The following PLCXD1 variants were observed in gnomAD, a reference collection of about 807,000 sequenced individuals.
PLCXD1 encodes PI-PLC X domain-containing protein 1.
PLCXD1 carries 45 observed loss-of-function variants against 37.8 expected under a neutral mutation model. The ratio of observed to expected loss-of-function variants is 1.19; its 90% confidence interval spans 0.94 to 1.53. The LOEUF (loss-of-function observed/expected upper bound fraction) is 1.53. Among genes scored for constraint, PLCXD1 ranks in the 40% most tolerant of loss-of-function variants. The pLI, the probability that PLCXD1 is intolerant of heterozygous loss-of-function variation, is 0.00. For synonymous variants in PLCXD1, 246 were observed against 206.9 expected (o/e 1.19, Z -1.62); for missense variants, 539 against 454.7 (o/e 1.19, Z -1.69).
At position 290,657 on chromosome X, in the gene PLCXD1, G is replaced by A. The variant is rs148736420; in HGVS notation, c.274G>A (p.Val92Ile). ...LKWSVTQALD[V>I]TEQLDAGVRY... ...CAGCCTCTGTCCACAGGCACTGGAC[G>A]TCACAGAGCAGCTGGATGCCGGGGT... Residue 92 changes from valine (V) to isoleucine (I), a missense_variant, in exon 4 of 7, where the codon GTC becomes ATC. By Grantham distance (29) the Val-to-Ile change is conservative. Coordinates refer to ENST00000381657, the MANE Select transcript of PLCXD1 (RefSeq NM_018390.4). 52 of 1,613,728 alleles carry A rather than the reference G, an allele frequency of 3.2e-5. No individual in the cohort carries two copies. The highest frequency in any genetic ancestry group is 8.0e-5 in the African/African-American group (6 of 75,022).
rs951622923 is a variant in PLCXD1 at position 300,883 on chromosome X, A to G, written c.*1548A>G. 1 of 151,954 alleles carries G rather than the reference A, an allele frequency of 6.6e-6. No individual in the cohort carries two copies. The highest frequency in any genetic ancestry group is 1.5e-5 in the Non-Finnish European group (1 of 68,016). 9.4% of individuals were successfully genotyped at this position (151,954 alleles called of 1,614,324 possible). ...CACACCCGACTAATTTCATATATTT[A>G]GTAGAGACGGGGTTTCTCCGCGTTG... is the stretch of plus-strand genomic sequence containing the variant. On this transcript the variant is annotated 3_prime_UTR_variant, in exon 7 of 7. Coordinates refer to ENST00000381657, the MANE Select transcript of PLCXD1 (RefSeq NM_018390.4).
At chrX:288,932 G>A in intron 3 of PLCXD1, 63 bp downstream of exon 3, 2 of 1,533,808 alleles carry the variant, frequency 1.3e-6, no homozygotes, top group African/African-American at 1.4e-5. Flanking sequence ...ACGGCCCCGT[G>A]GTGCTGAAAT....
chrX:285,283 C>CACACATGGATGCACAT (rs1409421817), intron 2 of PLCXD1, among the ~76,000 whole-genome samples: 2 of 152,088 alleles, frequency 1.3e-5, no homozygotes, highest in Non-Finnish European at 2.9e-5. Flanking sequence ...TAGGCTCATA[C>CACACATGGATGCACAT]ACACATGGAT....
intron 1 of PLCXD1, 170 bp from the exon 2 acceptor site, chrX:283,997 T>C (rs2069363904): frequency 3.4e-6 from 2 of 585,414 alleles, no homozygotes; most frequent in Non-Finnish European, 6.1e-6. Context: ...TTCTCCTGCC[T>C]CAGCCTCCCG....
Position 284,322 on chromosome X carries a change from T to G in PLCXD1, c.127+8T>G, listed in dbSNP as rs1173830536. ...ACCACCTCTCCATCCCAGGTGAGGTTGGGGTGGGGCAGGGGCCGTTGCCTC... is the reference window on the plus strand; with the variant it reads ...ACCACCTCTCCATCCCAGGTGAGGTGGGGGTGGGGCAGGGGCCGTTGCCTC... On this transcript the variant is annotated splice_region_variant and intron_variant, in intron 2 of 6. Coordinates refer to ENST00000381657, the MANE Select transcript of PLCXD1 (RefSeq NM_018390.4). 1 of 1,612,624 alleles carries G rather than the reference T, an allele frequency of 6.2e-7. No homozygotes were observed. The highest frequency in any genetic ancestry group is 8.5e-7 in the Non-Finnish European group (1 of 1,179,746).
intron 6 of PLCXD1, 76 bp downstream of exon 6, chrX:293,294 G>A: frequency 8.9e-7 from 1 of 1,119,186 alleles, no homozygotes; most frequent in Non-Finnish European, 1.3e-6. Context: ...GGTCCACATG[G>A]ACTTGCCTTC....
rs746820774 is a variant in PLCXD1 at position 299,762 on chromosome X, A to C, written c.*427A>C. 1.1e-4 allele frequency: 21 copies of C among 193,552 alleles called. No homozygotes were observed. The East Asian group carries it at 2.7e-3, about 25-fold the overall frequency. 12.0% of individuals were successfully genotyped at this position (193,552 alleles called of 1,614,324 possible). On this transcript the variant is annotated 3_prime_UTR_variant, in exon 7 of 7. Transcript: ENST00000381657. ...ATAGACCGAGACTCCATCTCAAAAGAAAAAAAAACAGCCGAGTGTGCAGTG... is the reference window on the plus strand; with the variant it reads ...ATAGACCGAGACTCCATCTCAAAAGCAAAAAAAACAGCCGAGTGTGCAGTG...
intron 3 of PLCXD1, among the ~76,000 whole-genome samples, chrX:289,910 C>T (rs143792767): frequency 6.6e-6 from 1 of 152,110 alleles, no homozygotes; most frequent in Non-Finnish European, 1.5e-5. Context: ...CAGGCATCTG[C>T]TAGTCCCTGG....
At chrX:288,623 G>T in intron 2 of PLCXD1, 110 bp from the exon 3 acceptor site, 1 of 1,181,584 alleles carries the variant, frequency 8.5e-7, no homozygotes, top group East Asian at 2.3e-5. Context: ...ACCTGTGCCT[G>T]TGCTGTGGGC....
At position 287,991 on chromosome X, in the gene PLCXD1, G is replaced by A. The variant is rs190528152; in HGVS notation, c.128-742G>A. ...GACCACACGTCCTCCTGAGGCTCTA[G>A]GGGAGGGTCCTTCCTGCCTCTCCCA... On this transcript the variant is annotated intron_variant, in intron 2 of 6. Transcript: ENST00000381657. Among the ~76,000 whole-genome samples the A allele has an allele frequency of 6.5e-3, 982 of 151,818 alleles. 14 individuals are homozygous for A. The highest frequency in any genetic ancestry group is 0.023 in the African/African-American group (941 of 41,320).
chrX:295,597 T>C (rs1001592557), intron 6 of PLCXD1, among the ~76,000 whole-genome samples: 27 of 151,798 alleles, frequency 1.8e-4, no homozygotes, highest in African/African-American at 6.5e-4. Context: ...CGATCTCGGC[T>C]CACTGCAACC....
At position 288,875 on chromosome X, in the gene PLCXD1, G is replaced by A. The variant is rs2069540440; in HGVS notation, c.264+6G>A. 1 of 1,612,174 alleles carries A rather than the reference G, an allele frequency of 6.2e-7. No individual in the cohort carries two copies. Among genetic ancestry groups the A allele is most frequent in the Non-Finnish European group, 8.5e-7 (1 of 1,179,654 alleles). ...TGAAATGGTCCGTCACCCAGGTACG[G>A]TCTGTGCCCCGTGCTGCTGACCTGG... On this transcript the variant is annotated splice_donor_region_variant and intron_variant, in intron 3 of 6. Coordinates refer to ENST00000381657, the MANE Select transcript of PLCXD1 (RefSeq NM_018390.4).
chrX:277,189 C>T (rs757849884), upstream of PLCXD1, among the ~76,000 whole-genome samples: 3 of 119,754 alleles, frequency 2.5e-5, no homozygotes, highest in African/African-American at 7.4e-5. Flanking sequence ...GGGAAGGCGT[C>T]GGGGGACCTG....
rs751515891 is a variant in PLCXD1, at chrX:297,800, A to G, written c.734-1297A>G. Among the ~76,000 whole-genome samples the G allele has an allele frequency of 7.2e-4, 35 of 48,450 alleles. 4 individuals carry two copies. In the East Asian group the frequency reaches 0.023, roughly 32 times the overall value. 31.8% of individuals were successfully genotyped at this position (48,450 alleles called of 152,430 possible). On this transcript the variant is annotated intron_variant, in intron 6 of 6. Transcript: ENST00000381657. Reference sequence around the variant, plus strand: ...TTAGGACGTGGACATCTTTGGGGCCATTATTCTGTCTATCACATGGGGATT... The same window carrying G: ...TTAGGACGTGGACATCTTTGGGGCCGTTATTCTGTCTATCACATGGGGATT...
At position 284,013 on chromosome X, in the gene PLCXD1, C is replaced by G. The variant is rs1286880282; in HGVS notation, c.-21-154C>G. On this transcript the variant is annotated intron_variant, in intron 1 of 6. Coordinates refer to ENST00000381657, the MANE Select transcript of PLCXD1 (RefSeq NM_018390.4). ...TCTCCTGCCTCAGCCTCCCGAGTAG[C>G]TGGGATGACAGGTGCCACAGGTGCC... 5.2e-5 allele frequency: 33 copies of G among 629,774 alleles called. No homozygotes were observed. In the Admixed American group the frequency reaches 7.6e-4, roughly 15 times the overall value. The allele number at this position is 629,774 out of a possible 1,614,324, so 39.0% of individuals were successfully genotyped here. A position where few individuals can be genotyped will look rare whatever the true frequency, so the allele number is the denominator to read the frequency against.
intron 6 of PLCXD1, among the ~76,000 whole-genome samples, chrX:296,642 G>C (rs775953624): frequency 2.2e-4 from 33 of 152,312 alleles, no homozygotes; most frequent in African/African-American, 6.7e-4. Flanking sequence ...ACCCCACTTT[G>C]AGAATCACTG....
At position 291,515 on chromosome X, in the gene PLCXD1, T is replaced by A. The variant is rs776022849; in HGVS notation, c.410T>A (p.Ile137Asn). ...TALVEDTLTE[I>N]SEWLERHPRE... Reference sequence around the variant, plus strand: ...CCTCCCCAGGACACACTCACGGAAATCTCGGAGTGGCTGGAGCGGCATCCA... The same window carrying A: ...CCTCCCCAGGACACACTCACGGAAAACTCGGAGTGGCTGGAGCGGCATCCA... Residue 137 changes from isoleucine to asparagine, a missense_variant, in exon 5 of 7, where the codon ATC becomes AAC. Physicochemically the swap from Ile to Asn is moderately radical, Grantham distance 149 (BLOSUM62 -3). Coordinates refer to ENST00000381657, the MANE Select transcript of PLCXD1 (RefSeq NM_018390.4). 5.6e-6 allele frequency: 9 copies of A among 1,612,568 alleles called. No individual in the cohort carries two copies. The East Asian group carries it at 2.0e-4, about 36-fold the overall frequency.
rs377547029 is a variant in PLCXD1 at position 288,714 on chromosome X, G to A, written c.128-19G>A. 1.5e-5 allele frequency: 24 copies of A among 1,613,544 alleles called. No homozygotes were observed. The highest frequency in any genetic ancestry group is 4.5e-5 in the East Asian group (2 of 44,876). ...GACGGACTCGTGGTGACATGTCCGC[G>A]TGTGTGCTTTGCTCTCAGGGAGCCA... On this transcript the variant is annotated intron_variant, in intron 2 of 6. Coordinates refer to ENST00000381657, the MANE Select transcript of PLCXD1 (RefSeq NM_018390.4).
chrX:299,514 C>T lies in PLCXD1; in HGVS notation c.*179C>T. The T allele has an allele frequency of 6.5e-6, 4 of 619,360 alleles. No individual in the cohort carries two copies. In the South Asian group the frequency reaches 7.7e-5, roughly 12 times the overall value. The allele number at this position is 619,360 out of a possible 1,614,324, so 38.4% of individuals were successfully genotyped here. A position where few individuals can be genotyped will look rare whatever the true frequency, so the allele number is the denominator to read the frequency against. ...GGTGACTTCGCCTGTCTTCCCAGCACTTTGGGAGGCCGAGGTGGGTGGATC... is the reference window on the plus strand; with the variant it reads ...GGTGACTTCGCCTGTCTTCCCAGCATTTTGGGAGGCCGAGGTGGGTGGATC... On this transcript the variant is annotated 3_prime_UTR_variant, in exon 7 of 7. Coordinates refer to ENST00000381657, the MANE Select transcript of PLCXD1 (RefSeq NM_018390.4).
Sources: allele counts gnomAD v4.1 joint callset (sites outside exome capture counted in the v4.1 genomes callset), GRCh38; gene constraint gnomAD v4.1.1; transcripts MANE v1.5; gene names NCBI Gene and HGNC (gene_info 2026-07-23, HGNC 2026-07-21).